DMD: variants seen among roughly 807,000 people sequenced by gnomAD.
DMD encodes the protein mutant dystrophin.
DMD carries 63 observed loss-of-function variants against 330.1 expected under a neutral mutation model. The ratio of observed to expected loss-of-function variants is 0.19; its 90% CI spans 0.16 to 0.24. The LOEUF (loss-of-function observed/expected upper bound fraction) is 0.24. Among genes scored for constraint, DMD ranks in the 10% least tolerant of loss-of-function variants. DMD has a pLI of 1.00. For synonymous variants in DMD, 1,223 were observed against 959.8 expected, an observed-to-expected ratio of 1.27 and a Z score of -5.07; for missense variants, 3,344 against 2,684.1, an observed-to-expected ratio of 1.25 and a Z score of -5.43.
intron 55 of DMD, among the ~76,000 whole-genome samples, chrX:31,586,514 A>T (rs1319584431): frequency 3.5e-5 from 4 of 112,904 alleles, no homozygotes; most frequent in African/African-American, 1.3e-4. Context: ...GCATTTAGTA[A>T]ACTAGTTTTC....
chrX:32,593,331 TC>T (rs201701967), intron 13 of DMD, among the ~76,000 whole-genome samples: 1,494 of 112,906 alleles, frequency 0.013, 26 homozygotes, highest in African/African-American at 0.045. Context: ...CAGAGTAATT[TC>T]CTGTCACAAA....
intron 7 of DMD, among the ~76,000 whole-genome samples, chrX:32,737,133 C>T (rs950012500): frequency 9.2e-6 from 1 of 109,079 alleles, no homozygotes; most frequent in African/African-American, 3.3e-5. Context: ...CCAACAGCAA[C>T]AACAAAAGGG....
At chrX:32,743,159 C>A (rs765518945) in intron 7 of DMD, among the ~76,000 whole-genome samples, 1 of 111,421 alleles carries the variant, frequency 9.0e-6, no homozygotes, top group East Asian at 2.8e-4. Context: ...CAGCCCCTCC[C>A]GGGATCTGCC....
At chrX:32,298,433 A>G (rs1419739416) in intron 42 of DMD, among the ~76,000 whole-genome samples, 1 of 110,329 alleles carries the variant, frequency 9.1e-6, no homozygotes, top group African/African-American at 3.3e-5. Flanking sequence ...AGAAAACTGC[A>G]GGAGGATAAG....
intron 50 of DMD, among the ~76,000 whole-genome samples, chrX:31,785,280 CT>C (rs2091236651): frequency 1.8e-5 from 2 of 111,557 alleles, no homozygotes; most frequent in Admixed American, 9.5e-5. Flanking sequence ...ATTGCCAGTG[CT>C]GGGGTACAGG....
chrX:32,787,269 AG>A lies in DMD; in HGVS notation c.649+22223del, dbSNP rs1394731309. The stretch of plus-strand genomic sequence containing the variant: ...GTGTGAGAGAGAGAGAGAGAGAGAG[AG>A]AGAAAGAGAGAGAGAACCACTCTGA... On this transcript the variant is annotated intron_variant, in intron 7 of 78. Coordinates refer to ENST00000357033, the MANE Select transcript of DMD (RefSeq NM_004006.3). Among the ~76,000 whole-genome samples, 233 of 104,475 alleles carry A rather than the reference AG, an allele frequency of 2.2e-3. 3 individuals carry two copies. The highest frequency in any genetic ancestry group is 5.3e-3 in the African/African-American group (147 of 27,585). The allele number at this position is 104,475 out of a possible 115,157, so 90.7% of individuals were successfully genotyped here.
At chrX:32,953,235 T>C (rs1408725543) in intron 2 of DMD, among the ~76,000 whole-genome samples, 2 of 110,897 alleles carry the variant, frequency 1.8e-5, no homozygotes, top group Admixed American at 1.9e-4. Context: ...AAATGGCGTT[T>C]TCTACTCTTA....
At chrX:31,456,174 C>T (rs111397152) in intron 59 of DMD, among the ~76,000 whole-genome samples, 297 of 111,644 alleles carry the variant, frequency 2.7e-3, no homozygotes, top group African/African-American at 8.8e-3. Context: ...TAGACTGTAA[C>T]GAAGTTCATT....
intron 48 of DMD, among the ~76,000 whole-genome samples, chrX:31,867,394 A>G (rs998357946): frequency 5.4e-5 from 6 of 110,977 alleles, no homozygotes; most frequent in African/African-American, 2.0e-4. Context: ...TTTTATTGTC[A>G]TCTTGGTTAC....
At chrX:32,541,524 C>G (rs1304610695) in intron 17 of DMD, among the ~76,000 whole-genome samples, 1 of 112,198 alleles carries the variant, frequency 8.9e-6, no homozygotes, top group East Asian at 2.8e-4. Context: ...TTTGCCTGCG[C>G]TCATAAGCTA....
chrX:32,569,190 G>T (rs1046338741), intron 15 of DMD, among the ~76,000 whole-genome samples: 4 of 111,998 alleles, frequency 3.6e-5, no homozygotes, highest in African/African-American at 1.3e-4. Flanking sequence ...AGAAGAGACA[G>T]ATAAGCTGTT....
chrX:31,710,094 TATGTTGGAAGCAAG>T (rs1381711861), intron 52 of DMD, among the ~76,000 whole-genome samples: 2 of 111,756 alleles, frequency 1.8e-5, no homozygotes, highest in Non-Finnish European at 3.8e-5. Context: ...CAGAATTTCT[TATGTTGGAAGCAAG>T]ATGTCCGGGA....
chrX:31,784,315 G>T (rs1295712087), intron 50 of DMD, among the ~76,000 whole-genome samples: 2 of 111,853 alleles, frequency 1.8e-5, no homozygotes, highest in Non-Finnish European at 3.8e-5. Context: ...TCACAACCAT[G>T]AGGATGACCA....
At chrX:31,908,653 C>CCACGCATA (rs200770294) in intron 47 of DMD, among the ~76,000 whole-genome samples, 23,697 of 108,963 alleles carry the variant, frequency 0.22, 2,796 homozygotes, top group African/African-American at 0.44. Flanking sequence ...CCAGCATGGC[C>CCACGCATA]CACGCATACC....
intron 4 of DMD, among the ~76,000 whole-genome samples, chrX:32,844,537 C>A (rs1314378414): frequency 8.9e-6 from 1 of 111,885 alleles, no homozygotes; most frequent in Non-Finnish European, 1.9e-5. Flanking sequence ...AATCTGAAAA[C>A]AGGGAGCAGC....
At chrX:32,668,006 G>T (rs1051722566) in intron 9 of DMD, among the ~76,000 whole-genome samples, 1 of 110,050 alleles carries the variant, frequency 9.1e-6, no homozygotes, top group East Asian at 2.9e-4. Flanking sequence ...AAAATTAGTC[G>T]GGCATGGTGG....
At chrX:32,686,569 A>G (rs1322987606) in intron 9 of DMD, among the ~76,000 whole-genome samples, 4 of 106,762 alleles carry the variant, frequency 3.7e-5, no homozygotes, top group Non-Finnish European at 7.7e-5. Context: ...CAAAAAAAAA[A>G]AAAAAAAAAA....
intron 1 of DMD, among the ~76,000 whole-genome samples, chrX:33,067,833 A>C (rs747347270): frequency 8.9e-6 from 1 of 112,042 alleles, no homozygotes; most frequent in Non-Finnish European, 1.9e-5. Flanking sequence ...CGACAGAGCC[A>C]GACTCTGTCT....
chrX:31,249,958 T>G (rs1055361424), intron 63 of DMD, among the ~76,000 whole-genome samples: 3 of 111,738 alleles, frequency 2.7e-5, no homozygotes, highest in African/African-American at 9.8e-5. Context: ...TCATAACTAT[T>G]TAATACATCA....
Sources: allele counts gnomAD v4.1 joint callset (sites outside exome capture counted in the v4.1 genomes callset), GRCh38; gene constraint gnomAD v4.1.1; transcripts MANE v1.5; gene names NCBI Gene and HGNC (gene_info 2026-07-23, HGNC 2026-07-21).